PCDH7: variants seen among roughly 807,000 people sequenced by gnomAD.
The protein encoded by PCDH7 is protocadherin 7.
A neutral mutation model predicts 58.9 loss-of-function variants in PCDH7; 17 were observed. The observed-to-expected ratio is 0.29, with a 90% CI of 0.20 to 0.43. The LOEUF (loss-of-function observed/expected upper bound fraction) is 0.43, where lower values mean the gene tolerates loss of function less well. Among genes scored for constraint, PCDH7 ranks in the 20% least tolerant of loss-of-function variants. The pLI is 1.00. For synonymous variants in PCDH7, 664 were observed against 616.4 expected (o/e 1.08, Z -1.14); for missense variants, 1,274 against 1,441.0 (o/e 0.88, Z 1.88).
chr4:30,766,694 G>T (rs1720797769), intron 1 of PCDH7, among the ~76,000 whole-genome samples: 1 of 151,744 alleles, frequency 6.6e-6, no homozygotes, highest in Non-Finnish European at 1.5e-5. Flanking sequence ...GTGTCAGTAA[G>T]ACAGTGTCCC....
chr4:30,889,440 T>C (rs1237513789), intron 1 of PCDH7, among the ~76,000 whole-genome samples: 1 of 152,138 alleles, frequency 6.6e-6, no homozygotes, highest in Non-Finnish European at 1.5e-5. Flanking sequence ...CCAAATGAAC[T>C]TTCATAGTGA....
chr4:31,040,670 G>T (rs1384454370), intron 3 of PCDH7, among the ~76,000 whole-genome samples: 2 of 152,096 alleles, frequency 1.3e-5, no homozygotes, highest in African/African-American at 4.8e-5. Context: ...CAGTTCATTA[G>T]GTAAGCCTTT....
At chr4:30,814,018 A>C (rs1727344824) in intron 1 of PCDH7, among the ~76,000 whole-genome samples, 1 of 152,098 alleles carries the variant, frequency 6.6e-6, no homozygotes, top group Non-Finnish European at 1.5e-5. Context: ...GAAGCTATGA[A>C]ATTTTTATCC....
intron 1 of PCDH7, among the ~76,000 whole-genome samples, chr4:30,773,488 T>A (rs1423617556): frequency 1.3e-5 from 2 of 150,630 alleles, no homozygotes; most frequent in Non-Finnish European, 3.0e-5. Context: ...AACCTTCTAT[T>A]TTTTTTTTCT....
At chr4:30,750,383 C>T (rs527645212) in intron 1 of PCDH7, among the ~76,000 whole-genome samples, 14 of 152,168 alleles carry the variant, frequency 9.2e-5, no homozygotes, top group African/African-American at 3.1e-4. Flanking sequence ...TGGTCAACCT[C>T]CTGGGCATAG....
At chr4:30,794,375 A>G (rs887118317) in intron 1 of PCDH7, among the ~76,000 whole-genome samples, 2 of 152,230 alleles carry the variant, frequency 1.3e-5, no homozygotes, top group African/African-American at 2.4e-5. Flanking sequence ...TTAGGACTGT[A>G]TAATTAAACT....
intron 1 of PCDH7, among the ~76,000 whole-genome samples, chr4:30,814,268 T>C (rs1727385461): frequency 6.6e-6 from 1 of 152,032 alleles, no homozygotes; most frequent in African/African-American, 2.4e-5. Flanking sequence ...ATTAAATATA[T>C]ATTGAAGAAA....
chr4:30,828,278 G>A (rs774030884), intron 1 of PCDH7, among the ~76,000 whole-genome samples: 2 of 152,008 alleles, frequency 1.3e-5, no homozygotes, highest in African/African-American at 4.8e-5. Flanking sequence ...CAGAGGAAAC[G>A]TCATGTGCAT....
At chr4:31,135,528 C>G (rs1162897175) in intron 3 of PCDH7, among the ~76,000 whole-genome samples, 1 of 152,092 alleles carries the variant, frequency 6.6e-6, no homozygotes, top group Non-Finnish European at 1.5e-5. Context: ...TCCATTAGCA[C>G]TACTAGAAAA....
intron 1 of PCDH7, among the ~76,000 whole-genome samples, chr4:30,824,095 CTTTCTT>C (rs780686809): frequency 2.2e-4 from 20 of 90,092 alleles, no homozygotes; most frequent in African/African-American, 8.9e-4. Context: ...TTCTTTCTTT[CTTTCTT>C]TCTTTCTTTC....
chr4:31,063,910 A>G (rs1040617777), intron 3 of PCDH7, among the ~76,000 whole-genome samples: 3 of 151,954 alleles, frequency 2.0e-5, no homozygotes, highest in Non-Finnish European at 4.4e-5. Context: ...CTTGCTCAAA[A>G]TAAGTAGCTG....
intron 3 of PCDH7, among the ~76,000 whole-genome samples, chr4:31,104,381 T>C (rs915009704): frequency 2.0e-5 from 3 of 152,174 alleles, no homozygotes; most frequent in African/African-American, 7.2e-5. Flanking sequence ...AACATCTAGT[T>C]TTCTCATACG....
intron 1 of PCDH7, among the ~76,000 whole-genome samples, chr4:30,849,944 CT>C (rs1458551264): frequency 6.6e-6 from 1 of 152,090 alleles, no homozygotes; most frequent in Non-Finnish European, 1.5e-5. Context: ...GGACCCCAAT[CT>C]TTGTTTATAA....
intron 3 of PCDH7, among the ~76,000 whole-genome samples, chr4:31,017,119 C>T (rs1020090819): frequency 3.3e-5 from 5 of 151,852 alleles, no homozygotes; most frequent in African/African-American, 1.2e-4. Flanking sequence ...AGAAGTACAC[C>T]CAGTTAGCCA....
At chr4:30,830,881 C>A (rs1275822122) in intron 1 of PCDH7, among the ~76,000 whole-genome samples, 2 of 152,066 alleles carry the variant, frequency 1.3e-5, no homozygotes, top group Admixed American at 1.3e-4. Flanking sequence ...CCTCATAATG[C>A]TGCCAATGTT....
At chr4:30,938,998 G>T (rs192521852) in intron 2 of PCDH7, among the ~76,000 whole-genome samples, 1 of 152,030 alleles carries the variant, frequency 6.6e-6, no homozygotes, top group Non-Finnish European at 1.5e-5. Flanking sequence ...TCAAAATACT[G>T]CTTTAAGGCT....
intron 1 of PCDH7, among the ~76,000 whole-genome samples, chr4:30,898,917 C>CTT (rs559937083): frequency 7.4e-5 from 11 of 149,074 alleles, no homozygotes; most frequent in African/African-American, 2.7e-4. Context: ...TAGCAAATGC[C>CTT]TTTTTTTTTT....
At chr4:31,004,844 T>G (rs1019604639) in intron 3 of PCDH7, among the ~76,000 whole-genome samples, 2 of 152,202 alleles carry the variant, frequency 1.3e-5, no homozygotes, top group East Asian at 3.9e-4. Flanking sequence ...AGTGATTAAT[T>G]AATATGCCCT....
At chr4:30,796,466 A>G (rs1034455950) in intron 1 of PCDH7, among the ~76,000 whole-genome samples, 10 of 152,190 alleles carry the variant, frequency 6.6e-5, no homozygotes, top group Non-Finnish European at 1.0e-4. Context: ...TACTGCTGTG[A>G]TAACTGATCA....
Sources: gnomAD v4.1 joint callset for allele counts (sites outside exome capture counted in the v4.1 genomes callset) on GRCh38, gnomAD v4.1.1 for gene constraint, MANE v1.5 for transcripts, NCBI Gene and HGNC (gene_info 2026-07-23, HGNC 2026-07-21) for gene names.